CHSY3: variants seen among roughly 807,000 people sequenced by gnomAD.
The protein encoded by CHSY3 is N-acetylgalactosaminyl-proteoglycan 3-beta-glucuronosyltransferase 3.
In CHSY3, 35 loss-of-function variants were observed where a neutral mutation model predicts 67.2. The ratio of observed to expected loss-of-function variants is 0.52; its 90% confidence interval spans 0.40 to 0.69. The LOEUF is 0.69. Among genes scored for constraint, CHSY3 ranks in the 30% least tolerant of loss-of-function variants. CHSY3 has a pLI of 0.00. For synonymous variants in CHSY3, 474 were observed against 434.7 expected, an observed-to-expected ratio of 1.09 and a Z score of -1.12; for missense variants, 1,069 against 1,138.5, an observed-to-expected ratio of 0.94 and a Z score of 0.88.
intron 2 of CHSY3, among the ~76,000 whole-genome samples, chr5:130,113,509 G>A (rs547286678): frequency 4.2e-4 from 64 of 152,168 alleles, no homozygotes; most frequent in African/African-American, 1.5e-3. Context: ...TGTTATAGAC[G>A]GGAATACAGA....
At chr5:130,177,030 AAT>A (rs1167079370) in intron 2 of CHSY3, among the ~76,000 whole-genome samples, 1 of 152,050 alleles carries the variant, frequency 6.6e-6, no homozygotes, top group Non-Finnish European at 1.5e-5. Flanking sequence ...CCACATCTCT[AAT>A]AACTTCCTTG....
At chr5:129,909,857 T>C (rs1203732089) in intron 2 of CHSY3, among the ~76,000 whole-genome samples, 1 of 151,992 alleles carries the variant, frequency 6.6e-6, no homozygotes, top group Non-Finnish European at 1.5e-5. Context: ...AGTAAAAAAA[T>C]CTCACCTGTA....
At chr5:130,046,647 T>C (rs938118955) in intron 2 of CHSY3, among the ~76,000 whole-genome samples, 2 of 152,086 alleles carry the variant, frequency 1.3e-5, no homozygotes, top group African/African-American at 4.8e-5. Flanking sequence ...AATGTGCTAA[T>C]CATCGGCATT....
At chr5:130,122,671 A>G (rs1381190775) in intron 2 of CHSY3, among the ~76,000 whole-genome samples, 1 of 152,202 alleles carries the variant, frequency 6.6e-6, no homozygotes, top group Non-Finnish European at 1.5e-5. Context: ...GGCATTTCCA[A>G]AATGAAAGCG....
chr5:129,942,412 A>G (rs1217097630), intron 2 of CHSY3, among the ~76,000 whole-genome samples: 1 of 152,206 alleles, frequency 6.6e-6, no homozygotes, highest in East Asian at 1.9e-4. Context: ...ACATTAGTCA[A>G]CTTACATAAA....
intron 2 of CHSY3, among the ~76,000 whole-genome samples, chr5:130,151,999 G>C (rs1479335353): frequency 6.6e-6 from 1 of 152,160 alleles, no homozygotes; most frequent in African/African-American, 2.4e-5. Context: ...ACATATCTAT[G>C]CCAGGCACTA....
intron 2 of CHSY3, among the ~76,000 whole-genome samples, chr5:129,981,784 G>C (rs1762992383): frequency 1.3e-5 from 2 of 152,296 alleles, no homozygotes; most frequent in Middle Eastern, 3.4e-3. Flanking sequence ...CCTGAGCTTA[G>C]TGGGAAAGCT....
At chr5:130,020,205 G>A (rs572505869) in intron 2 of CHSY3, among the ~76,000 whole-genome samples, 3 of 151,894 alleles carry the variant, frequency 2.0e-5, no homozygotes, top group Admixed American at 1.3e-4. Context: ...ATCACTCGAG[G>A]TCAGGAGTTA....
chr5:129,982,681 T>G (rs1292880539), intron 2 of CHSY3, among the ~76,000 whole-genome samples: 1 of 152,090 alleles, frequency 6.6e-6, no homozygotes, highest in Non-Finnish European at 1.5e-5. Context: ...ACATTCAATT[T>G]CAAAGCTTTA....
At chr5:130,156,628 T>C (rs1004989537) in intron 2 of CHSY3, among the ~76,000 whole-genome samples, 1 of 152,280 alleles carries the variant, frequency 6.6e-6, no homozygotes, top group African/African-American at 2.4e-5. Flanking sequence ...ATCAACACCC[T>C]TCCACTCAGT....
intron 2 of CHSY3, among the ~76,000 whole-genome samples, chr5:130,084,297 C>T (rs1468369649): frequency 1.3e-5 from 2 of 151,894 alleles, no homozygotes; most frequent in Non-Finnish European, 2.9e-5. Flanking sequence ...TTCAAAATAA[C>T]TAAAACAGAA....
rs368216226 is a variant in CHSY3 at position 130,122,681 on chromosome 5, G to T, written c.1087-61548G>T. Among the ~76,000 whole-genome samples the T allele has an allele frequency of 1.6e-4, 25 of 152,184 alleles. No homozygotes were observed. The South Asian group carries it at 5.0e-3, about 30-fold the overall frequency. ...CTTATGGCATTTCCAAAATGAAAGC[G>T]GTTTTTGTTTTTTCCAGGTAAACGT... On this transcript the variant is annotated intron_variant, in intron 2 of 2. Transcript: ENST00000305031.
intron 2 of CHSY3, among the ~76,000 whole-genome samples, chr5:129,966,348 A>C (rs1762467718): frequency 6.6e-6 from 1 of 151,814 alleles, no homozygotes; most frequent in Non-Finnish European, 1.5e-5. Context: ...TAGGTAGTGC[A>C]TTGTGTAAAA....
intron 2 of CHSY3, among the ~76,000 whole-genome samples, chr5:130,125,438 G>GATAGATAGATAGATAGATAGATAA (rs1554084510): frequency 2.6e-5 from 4 of 151,966 alleles, no homozygotes; most frequent in Admixed American, 6.6e-5. Flanking sequence ...TAGATAGATA[G>GATAGATAGATAGATAGATAGATAA]ATAGATAGAT....
intron 2 of CHSY3, among the ~76,000 whole-genome samples, chr5:130,102,056 A>C (rs911715605): frequency 3.3e-5 from 5 of 152,178 alleles, no homozygotes; most frequent in Non-Finnish European, 1.5e-5. Flanking sequence ...TCCTTTTGGA[A>C]GATGTCAGTT....
chr5:130,172,691 A>T (rs886595187), intron 2 of CHSY3, among the ~76,000 whole-genome samples: 6 of 152,150 alleles, frequency 3.9e-5, no homozygotes, highest in Non-Finnish European at 8.8e-5. Context: ...GTGCTACGCA[A>T]TGTTTCTGTA....
chr5:129,919,943 T>C (rs952657336), intron 2 of CHSY3, among the ~76,000 whole-genome samples: 1 of 152,168 alleles, frequency 6.6e-6, no homozygotes, highest in East Asian at 1.9e-4. Flanking sequence ...TATTTGACAA[T>C]TTTTTCTGAA....
intron 2 of CHSY3, among the ~76,000 whole-genome samples, chr5:130,157,159 CA>C (rs528464776): frequency 1.6e-3 from 237 of 152,278 alleles, no homozygotes; most frequent in African/African-American, 5.5e-3. Context: ...GGTAAATTTA[CA>C]GACAGCAAGC....
At chr5:130,072,980 C>T (rs1389115680) in intron 2 of CHSY3, among the ~76,000 whole-genome samples, 1 of 152,012 alleles carries the variant, frequency 6.6e-6, no homozygotes, top group African/African-American at 2.4e-5. Flanking sequence ...AAGGTGGCTA[C>T]CAGAGGCTGG....
Sources: allele counts gnomAD v4.1 joint callset (sites outside exome capture counted in the v4.1 genomes callset), GRCh38; gene constraint gnomAD v4.1.1; transcripts MANE v1.5; gene names NCBI Gene and HGNC (gene_info 2026-07-23, HGNC 2026-07-21).